Variants in POU2F1 observed in about 807,000 individuals in gnomAD.
POU2F1 encodes the protein POU domain, class 2, transcription factor 1.
Under a neutral mutation model 84.9 loss-of-function variants are expected in POU2F1, and 16 were observed. The ratio of observed to expected loss-of-function variants is 0.19; its 90% CI spans 0.13 to 0.29. The LOEUF is 0.29. POU2F1 is among the 10% of genes least tolerant of loss of function. The probability of loss-of-function intolerance (pLI) is 1.00; values close to 1 mark genes in which losing one functional copy is unlikely to be tolerated. For synonymous variants in POU2F1, 368 were observed against 368.3 expected, an observed-to-expected ratio of 1.00 and a Z score of 0.01; for missense variants, 738 against 942.6, an observed-to-expected ratio of 0.78 and a Z score of 2.84.
intron 2 of POU2F1, among the ~76,000 whole-genome samples, chr1:167,341,449 C>T (rs934056125): frequency 6.6e-5 from 10 of 152,070 alleles, no homozygotes; most frequent in African/African-American, 2.4e-4. Context: ...TCCAAGGCTT[C>T]CCTATCCTGT....
At chr1:167,292,835 C>T (rs1224572480) in intron 1 of POU2F1, among the ~76,000 whole-genome samples, 1 of 151,974 alleles carries the variant, frequency 6.6e-6, no homozygotes, top group African/African-American at 2.4e-5. Context: ...TCCCAGGGAT[C>T]CAGGGATGAT....
intron 1 of POU2F1, among the ~76,000 whole-genome samples, chr1:167,244,497 C>G (rs1194205174): frequency 6.6e-6 from 1 of 152,222 alleles, no homozygotes. Flanking sequence ...AGTGTTCCAG[C>G]TGGAAAGGAG....
intron 1 of POU2F1, among the ~76,000 whole-genome samples, chr1:167,236,925 TAATAG>T (rs2102357193): frequency 1.3e-5 from 2 of 152,270 alleles, no homozygotes; most frequent in East Asian, 3.9e-4. Context: ...AATGGAAAGA[TAATAG>T]AGTTTTAGCA....
chr1:167,290,486 A>G (rs1480394212), intron 1 of POU2F1, among the ~76,000 whole-genome samples: 1 of 152,176 alleles, frequency 6.6e-6, no homozygotes, highest in East Asian at 1.9e-4. Flanking sequence ...TAGTAAAAGC[A>G]TTTCTTAGCT....
At chr1:167,384,985 A>C (rs1264413063) in intron 8 of POU2F1, among the ~76,000 whole-genome samples, 1 of 152,182 alleles carries the variant, frequency 6.6e-6, no homozygotes, top group Non-Finnish European at 1.5e-5. Context: ...AAGCTACTGG[A>C]ATAAGTGAGC....
chr1:167,352,534 G>T (rs1022317076), intron 2 of POU2F1, among the ~76,000 whole-genome samples: 3 of 152,204 alleles, frequency 2.0e-5, no homozygotes, highest in African/African-American at 4.8e-5. Flanking sequence ...TGAGGCAGGG[G>T]TGCTAGACAA....
rs113694061 is a variant in POU2F1 at position 167,396,030 on chromosome 1, G to C, written c.988-256G>C. Reference sequence around the variant, plus strand: ...TTTGGTATCTCCATGATTACATAAGGTGGCAAGAAGAGATTCAAAATGGGA... The same window carrying C: ...TTTGGTATCTCCATGATTACATAAGCTGGCAAGAAGAGATTCAAAATGGGA... On this transcript the variant is annotated intron_variant, in intron 9 of 15. Coordinates refer to ENST00000367866, the MANE Select transcript of POU2F1 (RefSeq NM_002697.4). Among the ~76,000 whole-genome samples the C allele has an allele frequency of 7.2e-5, 11 of 152,286 alleles. No individual in the cohort carries two copies. In the South Asian group the frequency reaches 2.3e-3, roughly 32 times the overall value.
chr1:167,407,038 TTTA>T (rs148406080), intron 13 of POU2F1, among the ~76,000 whole-genome samples: 143 of 149,454 alleles, frequency 9.6e-4, no homozygotes, highest in African/African-American at 3.1e-3. Flanking sequence ...TTTTATATAT[TTTA>T]TTATTATTAT....
chr1:167,237,271 C>T (rs888788084), intron 1 of POU2F1, among the ~76,000 whole-genome samples: 1 of 152,124 alleles, frequency 6.6e-6, no homozygotes, highest in African/African-American at 2.4e-5. Flanking sequence ...AGTGTAAACG[C>T]CTACCTAGAC....
intron 1 of POU2F1, among the ~76,000 whole-genome samples, chr1:167,261,842 G>T (rs902446812): frequency 1.3e-5 from 2 of 152,022 alleles, no homozygotes; most frequent in African/African-American, 4.8e-5. Context: ...GTGCCATCAT[G>T]CCTGGCTAAT....
intron 1 of POU2F1, among the ~76,000 whole-genome samples, chr1:167,282,181 C>T (rs965241243): frequency 1.6e-4 from 24 of 150,572 alleles, no homozygotes; most frequent in African/African-American, 5.7e-4. Context: ...CTCGCTCTGT[C>T]GCCCAGGCTG....
At chr1:167,401,638 T>C in intron 13 of POU2F1, 82 bp downstream of exon 13, 1 of 795,098 alleles carries the variant, frequency 1.3e-6, no homozygotes, top group Admixed American at 3.7e-5. Flanking sequence ...CATTAAATTG[T>C]GAATTAAGGC....
intron 1 of POU2F1, among the ~76,000 whole-genome samples, chr1:167,258,838 G>A (rs1651341081): frequency 6.6e-6 from 1 of 152,144 alleles, no homozygotes; most frequent in Non-Finnish European, 1.5e-5. Context: ...GAATTATTTG[G>A]GGAGGACAAC....
In POU2F1 at chr1:167,398,120, A is replaced by G. The variant is rs1273420022; in HGVS notation, c.1256A>G (p.Lys419Arg). The G allele has an allele frequency of 6.2e-7, 1 of 1,613,900 alleles. No homozygotes were observed. Among genetic ancestry groups the G allele is most frequent in the East Asian group, 2.2e-5 (1 of 44,894 alleles). ...IETNIRVALE[K>R]SFLENQKPTS... ...ACCAACATCCGTGTGGCCTTAGAGA[A>G]GAGTTTCTTGGAGGTCAGTGAGGAT... The change falls in exon 11 of 16, where the codon AAG (lysine) becomes AGG (arginine). Residue 419 changes from lysine (K) to arginine (R), a missense_variant. Lys to Arg is a conservative substitution (Grantham distance 26). This residue lies in a region of POU2F1 where 95 missense variants were observed against 195.1 expected (regional missense o/e 0.49). Transcript: ENST00000367866.
At chr1:167,252,251 C>T (rs776443793) in intron 1 of POU2F1, among the ~76,000 whole-genome samples, 32 of 151,986 alleles carry the variant, frequency 2.1e-4, no homozygotes, top group Admixed American at 1.9e-3. Flanking sequence ...GTTTCCTTAC[C>T]TTTTAACTTA....
chr1:167,367,904 A>G (rs769428449), intron 3 of POU2F1, among the ~76,000 whole-genome samples: 1 of 151,964 alleles, frequency 6.6e-6, no homozygotes, highest in Non-Finnish European at 1.5e-5. Flanking sequence ...GGCGTACACC[A>G]TGGCACCGAG....
In POU2F1 at chr1:167,220,925, G is replaced by C. The variant is rs1329826107; in HGVS notation, c.28G>C (p.Asp10His). 6.5e-7 allele frequency: 1 copy of C among 1,535,400 alleles called. No homozygotes were observed. Among genetic ancestry groups the C allele is most frequent in the East Asian group, 2.4e-5 (1 of 40,906 alleles). Residue 10 changes from aspartate (D) to histidine (H), a missense_variant, in exon 1 of 16, where the codon GAT becomes CAT. Around this residue, in one of 4 missense-constraint regions of POU2F1, gnomAD observed 161 missense variants for 147.0 expected, o/e 1.10. Transcript: ENST00000367866. Reference protein sequence around the residue: MADGGAASQDESSAAAAAAA... With the variant: MADGGAASQHESSAAAAAAA... ...GGCGGACGGAGGAGCAGCGAGTCAA[G>C]ATGAGAGTTCAGCCGCGGCGGCAGC...
At chr1:167,410,577 G>A (rs527426505) in intron 13 of POU2F1, among the ~76,000 whole-genome samples, 7 of 151,762 alleles carry the variant, frequency 4.6e-5, no homozygotes, top group Admixed American at 3.3e-4. Context: ...GTGTAATGGC[G>A]TCATCTCGGC....
chr1:167,297,530 A>G (rs778621647), intron 1 of POU2F1, among the ~76,000 whole-genome samples: 1 of 152,216 alleles, frequency 6.6e-6, no homozygotes, highest in African/African-American at 2.4e-5. Context: ...AAGTAAGACT[A>G]TATCAGAAAG....
Sources: allele counts gnomAD v4.1 joint callset (sites outside exome capture counted in the v4.1 genomes callset), GRCh38; gene constraint gnomAD v4.1.1; regional missense constraint gnomAD v4.1.1; transcripts MANE v1.5; gene names NCBI Gene and HGNC (gene_info 2026-07-23, HGNC 2026-07-21).